CACNB2: variants seen among roughly 807,000 people sequenced by gnomAD.
CACNB2 encodes voltage-dependent L-type calcium channel subunit beta-2.
A neutral mutation model predicts 73.3 loss-of-function variants in CACNB2; 42 were observed. The ratio of observed to expected loss-of-function variants is 0.57; its 90% confidence interval spans 0.45 to 0.74. The LOEUF is 0.74. Ranked by LOEUF, CACNB2 falls within the 30% of genes least tolerant of loss-of-function variation. The probability of loss-of-function intolerance (pLI) is 0.00; values close to 1 mark genes in which losing one functional copy is unlikely to be tolerated. For synonymous variants in CACNB2, 348 were observed against 310.3 expected (o/e 1.12, Z -1.28); for missense variants, 940 against 853.0 (o/e 1.10, Z -1.27).
chr10:18,237,530 C>T (rs2036492952), intron 2 of CACNB2, among the ~76,000 whole-genome samples: 1 of 152,190 alleles, frequency 6.6e-6, no homozygotes, highest in Non-Finnish European at 1.5e-5. Flanking sequence ...ATGGCATGGC[C>T]TTGCCAACAC....
chr10:18,474,514 A>C (rs569158175), intron 3 of CACNB2, among the ~76,000 whole-genome samples: 1 of 152,316 alleles, frequency 6.6e-6, no homozygotes, highest in African/African-American at 2.4e-5. Context: ...ACAAAGGTGG[A>C]GATGCCAATT....
Position 18,539,550 on chromosome 10 carries a change from G to C in CACNB2, c.1809G>C (p.Arg603Ser), listed in dbSNP as rs1158444552. 1.2e-6 allele frequency: 2 copies of C among 1,613,722 alleles called. No homozygotes were observed. Among genetic ancestry groups the C allele is most frequent in the South Asian group, 2.2e-5 (2 of 91,026 alleles). The change falls in exon 14 of 14, where the codon AGG becomes AGC. Residue 603 changes from arginine (R) to serine (S), a missense_variant. Arg to Ser is a moderately radical substitution (Grantham distance 110). Transcript: ENST00000324631. Reference sequence around the variant, plus strand: ...ACGGGAGCAGTGACCACAGACACAGGGAGTCCCGGCACCGTTCCCGGGACG... The same window carrying C: ...ACGGGAGCAGTGACCACAGACACAGCGAGTCCCGGCACCGTTCCCGGGACG... ...ETHGSSDHRHRESRHRSRDVD... is the reference protein window; with the variant it reads ...ETHGSSDHRHSESRHRSRDVD...
At chr10:18,164,430 G>A (rs1356893893) in intron 2 of CACNB2, among the ~76,000 whole-genome samples, 3 of 152,168 alleles carry the variant, frequency 2.0e-5, no homozygotes, top group Non-Finnish European at 4.4e-5. Context: ...AAGAGACACT[G>A]CCCTTTACCA....
At position 18,141,922 on chromosome 10, in the gene CACNB2, T is replaced by A. The variant is rs61393379; in HGVS notation, c.120+1066T>A. On this transcript the variant is annotated intron_variant, in intron 1 of 13. Transcript: ENST00000324631. ...CAAGCCTACATTTGCCAGATTTTAA[T>A]TTGCGGTAAGATATATATGTGTGTG... Among the ~76,000 whole-genome samples, 873 of 152,304 alleles carry A rather than the reference T, an allele frequency of 5.7e-3. 11 individuals carry two copies. The highest frequency in any genetic ancestry group is 0.019 in the African/African-American group (796 of 41,556).
At chr10:18,310,629 GT>G (rs2039925702) in intron 2 of CACNB2, among the ~76,000 whole-genome samples, 2 of 95,400 alleles carry the variant, frequency 2.1e-5, no homozygotes, top group South Asian at 3.7e-4. Flanking sequence ...AAAAAAAAAA[GT>G]AAAAAAAAAA....
At chr10:18,523,294 A>G (rs2052108201) in intron 9 of CACNB2, among the ~76,000 whole-genome samples, 1 of 152,200 alleles carries the variant, frequency 6.6e-6, no homozygotes, top group Non-Finnish European at 1.5e-5. Flanking sequence ...CCTTTCCTAA[A>G]TGCCAAAGAT....
At chr10:18,481,186 T>G (rs1171782133) in intron 3 of CACNB2, among the ~76,000 whole-genome samples, 1 of 104,546 alleles carries the variant, frequency 9.6e-6, no homozygotes, top group Non-Finnish European at 1.8e-5. Flanking sequence ...TAATATTACA[T>G]CTTCGCTATA....
chr10:18,229,463 A>G (rs1015124578), intron 2 of CACNB2, among the ~76,000 whole-genome samples: 4 of 152,206 alleles, frequency 2.6e-5, no homozygotes, highest in Non-Finnish European at 5.9e-5. Flanking sequence ...AAATAGTTCA[A>G]AGTAGCACTG....
intron 3 of CACNB2, among the ~76,000 whole-genome samples, chr10:18,466,432 T>C (rs949623898): frequency 6.6e-6 from 1 of 151,758 alleles, no homozygotes; most frequent in Non-Finnish European, 1.5e-5. Context: ...GAGGTCTCAC[T>C]ATGTTGCCCA....
At chr10:18,433,057 G>A (rs10734056) in intron 3 of CACNB2, among the ~76,000 whole-genome samples, 135,181 of 151,878 alleles carry the variant, frequency 0.89, 60,513 homozygotes, top group African/African-American at 0.97. Context: ...TTTTTACCTT[G>A]TTAGAAAGTA....
chr10:18,296,346 A>T (rs2039280616), intron 2 of CACNB2, among the ~76,000 whole-genome samples: 1 of 152,004 alleles, frequency 6.6e-6, no homozygotes, highest in South Asian at 2.1e-4. Context: ...AATTTTTTCA[A>T]CTTTACTCAC....
intron 3 of CACNB2, among the ~76,000 whole-genome samples, chr10:18,425,728 ATTC>A (rs2045566208): frequency 6.6e-6 from 1 of 152,192 alleles, no homozygotes; most frequent in Non-Finnish European, 1.5e-5. Context: ...CTCATAAAGA[ATTC>A]TTCTATCTTT....
At chr10:18,491,006 C>T (rs1246567913) in intron 3 of CACNB2, among the ~76,000 whole-genome samples, 1 of 152,194 alleles carries the variant, frequency 6.6e-6, no homozygotes, top group East Asian at 1.9e-4. Context: ...CAGCATGTCC[C>T]AGAGCACTGT....
intron 2 of CACNB2, among the ~76,000 whole-genome samples, chr10:18,269,423 G>A (rs1409764541): frequency 1.3e-5 from 2 of 152,052 alleles, no homozygotes; most frequent in Admixed American, 1.3e-4. Flanking sequence ...TATATTCAAT[G>A]TCTTGCCATA....
chr10:18,399,366 TAC>T (rs2043874370), intron 2 of CACNB2, among the ~76,000 whole-genome samples: 1 of 152,190 alleles, frequency 6.6e-6, no homozygotes, highest in African/African-American at 2.4e-5. Flanking sequence ...CCATGCATTT[TAC>T]AGTCACATCA....
At position 18,291,944 on chromosome 10, in the gene CACNB2, G is replaced by A. The variant is rs114931250; in HGVS notation, c.214-109980G>A. On this transcript the variant is annotated intron_variant, in intron 2 of 13. Coordinates refer to ENST00000324631, the MANE Select transcript of CACNB2 (RefSeq NM_201596.3). ...GTTAGAAATCCTTTGGCAAAGTCAC[G>A]GTGGAGTGCTTGCTAAAATATGAAC... Among the ~76,000 whole-genome samples, 651 of 152,224 alleles carry A rather than the reference G, an allele frequency of 4.3e-3. 2 individuals are homozygous for A. Among genetic ancestry groups the A allele is most frequent in the African/African-American group, 0.014 (601 of 41,534 alleles).
chr10:18,324,945 G>T (rs1027063886), intron 2 of CACNB2, among the ~76,000 whole-genome samples: 1 of 152,154 alleles, frequency 6.6e-6, no homozygotes. Flanking sequence ...TCACTCTTAC[G>T]CCATGAAAGA....
At chr10:18,177,614 G>A (rs974329787) in intron 2 of CACNB2, among the ~76,000 whole-genome samples, 11 of 151,698 alleles carry the variant, frequency 7.3e-5, no homozygotes, top group Middle Eastern at 6.8e-3. Flanking sequence ...AAGAAAGAAA[G>A]AGCAAGCATT....
Position 18,540,157 on chromosome 10 carries a change from G to C in CACNB2, c.*433G>C. ...CATCTGATTTGCATATTCATTCATG[G>C]ACCACTGTTTCTTGCTTGTACCTCT... On this transcript the variant is annotated 3_prime_UTR_variant, in exon 14 of 14. Transcript: ENST00000324631. 5.1e-6 allele frequency: 1 copy of C among 196,348 alleles called. No individual in the cohort carries two copies. Among genetic ancestry groups the C allele is most frequent in the South Asian group, 9.0e-5 (1 of 11,060 alleles). 12.2% of individuals were successfully genotyped at this position (196,348 alleles called of 1,614,324 possible).
Sources: gnomAD v4.1 joint callset for allele counts (sites outside exome capture counted in the v4.1 genomes callset) on GRCh38, gnomAD v4.1.1 for gene constraint, MANE v1.5 for transcripts, NCBI Gene and HGNC (gene_info 2026-07-23, HGNC 2026-07-21) for gene names.